ARSB: variants seen among roughly 807,000 people sequenced by gnomAD.
ARSB encodes N-acetylgalactosamine-4-sulfatase.
Under a neutral mutation model 50.9 loss-of-function variants are expected in ARSB, and 41 were observed. The ratio of observed to expected loss-of-function variants is 0.81; its 90% CI spans 0.63 to 1.04. ARSB has a LOEUF of 1.04. Ranked by LOEUF, ARSB falls within the 50% of genes least tolerant of loss-of-function variation. The pLI, the probability that ARSB is intolerant of heterozygous loss-of-function variation, is 0.00. For missense variants in ARSB, 672 were observed against 693.3 expected (o/e 0.97, Z 0.35); for synonymous variants, 269 against 284.8 (o/e 0.94, Z 0.56).
chr5:78,969,248 G>T, intron 1 of ARSB, 56 bp from the exon 2 acceptor site: 1 of 1,595,368 alleles, frequency 6.3e-7, no homozygotes, highest in Non-Finnish European at 8.6e-7. Flanking sequence ...TTGTGAACAA[G>T]CAGATAAAAT....
Position 78,906,004 on chromosome 5 carries a change from T to G in ARSB, c.899-20177A>C, listed in dbSNP as rs1749048958. 2.0e-5 allele frequency among the ~76,000 whole-genome samples: 3 copies of G among 148,804 alleles called. No individual in the cohort carries two copies. In the Admixed American group the frequency reaches 2.0e-4, roughly 10 times the overall value. ...GTGGGTCTTCTTTTGAGATTTTAGG[T>G]GCCTGCACCCCACCACAACACCAAT... On this transcript the variant is annotated intron_variant, in intron 4 of 7. Coordinates refer to ENST00000264914, the MANE Select transcript of ARSB (RefSeq NM_000046.5).
At chr5:78,834,988 ACT>A (rs1167504291) in intron 6 of ARSB, among the ~76,000 whole-genome samples, 2 of 79,986 alleles carry the variant, frequency 2.5e-5, no homozygotes, top group Non-Finnish European at 4.7e-5. Context: ...TCCTTTTTCC[ACT>A]CTCTCTCCTT....
chr5:78,881,520 A>G (rs1475548207), intron 5 of ARSB, among the ~76,000 whole-genome samples: 1 of 152,208 alleles, frequency 6.6e-6, no homozygotes, highest in Non-Finnish European at 1.5e-5. Flanking sequence ...TTTCAGTAAA[A>G]TAAGTGGAAA....
At chr5:78,816,975 G>T in intron 6 of ARSB, 2 of 600,656 alleles carry the variant, frequency 3.3e-6, no homozygotes, top group Non-Finnish European at 4.2e-6. Context: ...CCAGCCTTCA[G>T]ACCTACAGAA....
At chr5:78,864,314 G>A (rs979347406) in intron 5 of ARSB, among the ~76,000 whole-genome samples, 1 of 152,180 alleles carries the variant, frequency 6.6e-6, no homozygotes, top group Non-Finnish European at 1.5e-5. Flanking sequence ...AGGCAAGGAG[G>A]AGCAAGTCCC....
At chr5:78,816,030 T>G in intron 6 of ARSB, 1 of 1,504,320 alleles carries the variant, frequency 6.6e-7, no homozygotes, top group Admixed American at 1.8e-5. Context: ...GAACCTTGGG[T>G]CTGAAGTCAT....
chr5:78,910,706 T>C (rs1248092299), intron 4 of ARSB, among the ~76,000 whole-genome samples: 1 of 152,134 alleles, frequency 6.6e-6, no homozygotes, highest in Non-Finnish European at 1.5e-5. Context: ...TTCAAAAATA[T>C]CTGAGCACAC....
chr5:78,943,441 C>T (rs1229401561), intron 4 of ARSB, among the ~76,000 whole-genome samples: 1 of 152,198 alleles, frequency 6.6e-6, no homozygotes, highest in Non-Finnish European at 1.5e-5. Flanking sequence ...ATGTTTAGTG[C>T]TTCCTTCAGG....
intron 6 of ARSB, among the ~76,000 whole-genome samples, chr5:78,816,479 C>G (rs191922392): frequency 6.6e-6 from 1 of 152,172 alleles, no homozygotes; most frequent in Non-Finnish European, 1.5e-5. Flanking sequence ...ATTCCAAGGT[C>G]AGGTGGAACC....
At chr5:78,855,185 C>T (rs1286119619) in intron 5 of ARSB, among the ~76,000 whole-genome samples, 1 of 152,192 alleles carries the variant, frequency 6.6e-6, no homozygotes, top group Non-Finnish European at 1.5e-5. Flanking sequence ...CTGGGATTTG[C>T]AGCTATTCAG....
chr5:78,943,151 C>T lies in ARSB; in HGVS notation c.898+12144G>A, dbSNP rs188171615. Among the ~76,000 whole-genome samples the T allele has an allele frequency of 2.1e-3, 316 of 152,266 alleles. 4 individuals are homozygous for T. The highest frequency in any genetic ancestry group is 0.015 in the Admixed American group (230 of 15,294). On this transcript the variant is annotated intron_variant, in intron 4 of 7. Coordinates refer to ENST00000264914, the MANE Select transcript of ARSB (RefSeq NM_000046.5). ...TTGCTTGGTAGATCTTCCTCCATCC[C>T]TTTATTTTGAGCCTATGTGTGTCTT... is the stretch of plus-strand genomic sequence containing the variant.
At chr5:78,969,338 A>G in intron 1 of ARSB, 146 bp from the exon 2 acceptor site, 1 of 859,468 alleles carries the variant, frequency 1.2e-6, no homozygotes, top group Non-Finnish European at 1.8e-6. Context: ...TATTTCTGAA[A>G]GGCAGAATTC....
At chr5:78,797,654 C>A (rs868558505) in intron 6 of ARSB, among the ~76,000 whole-genome samples, 3 of 152,200 alleles carry the variant, frequency 2.0e-5, no homozygotes, top group South Asian at 4.1e-4. Flanking sequence ...CTTTCTGCTG[C>A]CCCCGTGAGC....
intron 4 of ARSB, among the ~76,000 whole-genome samples, chr5:78,907,159 G>A (rs1312117597): frequency 6.6e-6 from 1 of 152,174 alleles, no homozygotes; most frequent in African/African-American, 2.4e-5. Flanking sequence ...GGCCGTTCAA[G>A]CCCCCAGCTA....
intron 4 of ARSB, among the ~76,000 whole-genome samples, chr5:78,929,597 C>T (rs1050266844): frequency 2.6e-5 from 4 of 151,950 alleles, no homozygotes; most frequent in African/African-American, 9.7e-5. Context: ...TAGAAAACAG[C>T]CTGGCCCACA....
chr5:78,953,893 T>A (rs184709501), intron 4 of ARSB, among the ~76,000 whole-genome samples: 1 of 152,084 alleles, frequency 6.6e-6, no homozygotes, highest in Non-Finnish European at 1.5e-5. Context: ...AATACACATT[T>A]AAGAGTAATG....
intron 5 of ARSB, among the ~76,000 whole-genome samples, chr5:78,842,909 AC>A (rs1745291468): frequency 6.6e-6 from 1 of 152,022 alleles, no homozygotes; most frequent in Non-Finnish European, 1.5e-5. Context: ...TCTGTTAAAA[AC>A]AAAATAAGAA....
At position 78,801,693 on chromosome 5, in the gene ARSB, G is replaced by A. The variant is rs193119982; in HGVS notation, c.1214-19719C>T. ...CCCTTGCAGTTGGGTGTGTGCTGGC[G>A]GAATGTGAGTGCGGTTGGGAGCACC... is the stretch of plus-strand genomic sequence containing the variant. On this transcript the variant is annotated intron_variant, in intron 6 of 7. Transcript: ENST00000264914. 3.0e-4 allele frequency among the ~76,000 whole-genome samples: 45 copies of A among 152,210 alleles called. 1 individual carries two copies. Among genetic ancestry groups the A allele is most frequent in the African/African-American group, 8.9e-4 (37 of 41,536 alleles).
intron 6 of ARSB, among the ~76,000 whole-genome samples, chr5:78,788,087 CATCT>C (rs1412002678): frequency 2.0e-5 from 3 of 152,144 alleles, no homozygotes; most frequent in Non-Finnish European, 4.4e-5. Flanking sequence ...CCAAATATTC[CATCT>C]ATTAGCTTGA....
Sources: gnomAD v4.1 joint callset for allele counts (sites outside exome capture counted in the v4.1 genomes callset) on GRCh38, gnomAD v4.1.1 for gene constraint, MANE v1.5 for transcripts, NCBI Gene and HGNC (gene_info 2026-07-23, HGNC 2026-07-21) for gene names.